Variants in KHDRBS3 observed in about 807,000 individuals in gnomAD.
The protein encoded by KHDRBS3 is KH RNA binding domain containing, signal transduction associated 3.
Under a neutral mutation model 45.6 loss-of-function variants are expected in KHDRBS3, and 23 were observed. The ratio of observed to expected loss-of-function variants is 0.50; its 90% CI spans 0.36 to 0.72. KHDRBS3 has a LOEUF of 0.72. Among genes scored for constraint, KHDRBS3 ranks in the 30% least tolerant of loss-of-function variants. KHDRBS3 has a pLI of 0.00. For missense variants in KHDRBS3, 352 were observed against 424.8 expected (o/e 0.83, Z 1.51); for synonymous variants, 162 against 156.5 (o/e 1.04, Z -0.26).
intron 2 of KHDRBS3, among the ~76,000 whole-genome samples, chr8:135,533,030 C>T (rs891248980): frequency 2.6e-5 from 4 of 152,104 alleles, no homozygotes; most frequent in Non-Finnish European, 5.9e-5. Context: ...GTACAGTTCT[C>T]GATTTACATT....
At chr8:135,590,885 C>G (rs7017297) in intron 6 of KHDRBS3, among the ~76,000 whole-genome samples, 15,064 of 152,168 alleles carry the variant, frequency 0.099, 1,364 homozygotes, top group African/African-American at 0.24. Flanking sequence ...CTTGATATCT[C>G]AATGTTGTGT....
intron 5 of KHDRBS3, among the ~76,000 whole-genome samples, chr8:135,573,374 A>G (rs1827798492): frequency 6.6e-6 from 1 of 152,230 alleles, no homozygotes; most frequent in African/African-American, 2.4e-5. Flanking sequence ...AACTGACATG[A>G]GTTGTACTTT....
intron 1 of KHDRBS3, among the ~76,000 whole-genome samples, chr8:135,466,085 G>T (rs532249535): frequency 6.6e-6 from 1 of 151,812 alleles, no homozygotes; most frequent in Non-Finnish European, 1.5e-5. Flanking sequence ...TCTTTCTTTC[G>T]CATTGGTAGC....
intron 1 of KHDRBS3, among the ~76,000 whole-genome samples, chr8:135,495,224 A>G (rs1823376670): frequency 6.6e-6 from 1 of 152,172 alleles, no homozygotes; most frequent in African/African-American, 2.4e-5. Flanking sequence ...AAGGTGAAGC[A>G]TTTCTTGGGT....
intron 1 of KHDRBS3, among the ~76,000 whole-genome samples, chr8:135,490,669 C>A (rs1823102627): frequency 6.6e-6 from 1 of 151,986 alleles, no homozygotes. Flanking sequence ...TTGTTTTAAC[C>A]AAAGTTGTGT....
chr8:135,521,174 C>A, intron 1 of KHDRBS3, 63 bp from the exon 2 acceptor site: 1 of 957,926 alleles, frequency 1.0e-6, no homozygotes, highest in South Asian at 1.4e-5. Context: ...CAGAGCTAAC[C>A]AGAACACCCA....
Position 135,601,641 on chromosome 8 carries a change from T to C in KHDRBS3, c.808-5314T>C, listed in dbSNP as rs142507807. Among the ~76,000 whole-genome samples the C allele has an allele frequency of 9.2e-5, 14 of 152,266 alleles. No homozygotes were observed. The East Asian group carries it at 2.5e-3, about 27-fold the overall frequency. On this transcript the variant is annotated intron_variant, in intron 6 of 8. Coordinates refer to ENST00000355849, the MANE Select transcript of KHDRBS3 (RefSeq NM_006558.3). ...TGAAAAATTACCCAAAAATTTCAAA[T>C]ATAAAGTAAACCTTTCAGCATATCT...
chr8:135,534,789 A>T (rs1288831562), intron 2 of KHDRBS3, among the ~76,000 whole-genome samples: 1 of 152,156 alleles, frequency 6.6e-6, no homozygotes, highest in African/African-American at 2.4e-5. Context: ...CAGAATTGAC[A>T]CAATGCCAGC....
At chr8:135,575,231 C>T (rs1008331103) in intron 5 of KHDRBS3, among the ~76,000 whole-genome samples, 6 of 152,162 alleles carry the variant, frequency 3.9e-5, no homozygotes, top group Admixed American at 6.5e-5. Flanking sequence ...GGTTCAACTG[C>T]GAATACCAAA....
chr8:135,560,226 C>T (rs1827103454), intron 5 of KHDRBS3, among the ~76,000 whole-genome samples: 1 of 151,732 alleles, frequency 6.6e-6, no homozygotes, highest in Non-Finnish European at 1.5e-5. Context: ...ATGTAGTATT[C>T]ATCATAAGAA....
chr8:135,533,633 T>C (rs564019195), intron 2 of KHDRBS3, among the ~76,000 whole-genome samples: 154 of 152,328 alleles, frequency 1.0e-3, no homozygotes, highest in African/African-American at 3.7e-3. Context: ...CACCATGGAA[T>C]GTACTGATGG....
chr8:135,604,322 G>A (rs1829355881), intron 6 of KHDRBS3, among the ~76,000 whole-genome samples: 1 of 151,468 alleles, frequency 6.6e-6, no homozygotes, highest in South Asian at 2.1e-4. Context: ...TTGAACTAAA[G>A]TGTGTCTCTT....
At chr8:135,512,489 A>T (rs1236773543) in intron 1 of KHDRBS3, among the ~76,000 whole-genome samples, 1 of 147,932 alleles carries the variant, frequency 6.8e-6, no homozygotes, top group East Asian at 2.0e-4. Flanking sequence ...GTCATTGTGC[A>T]GGCTGATTTG....
chr8:135,485,053 G>C (rs4314679), intron 1 of KHDRBS3, among the ~76,000 whole-genome samples: 1 of 151,950 alleles, frequency 6.6e-6, no homozygotes, highest in African/African-American at 2.4e-5. Flanking sequence ...TAAATGCTGT[G>C]TACAGAAAAA....
At chr8:135,544,921 C>T (rs150728270) in intron 3 of KHDRBS3, among the ~76,000 whole-genome samples, 127 of 152,034 alleles carry the variant, frequency 8.4e-4, no homozygotes, top group African/African-American at 2.8e-3. Context: ...GTCTCCTTAC[C>T]TTCTAATCCC....
chr8:135,535,085 T>C (rs1825667893), intron 2 of KHDRBS3, among the ~76,000 whole-genome samples: 1 of 152,074 alleles, frequency 6.6e-6, no homozygotes, highest in Admixed American at 6.6e-5. Flanking sequence ...TAGTTTGTTA[T>C]GTAGTAGTGG....
chr8:135,647,567 CAA>C lies in KHDRBS3; in HGVS notation c.*485_*486del, dbSNP rs1458797299. The C allele has an allele frequency of 2.0e-5, 3 of 152,636 alleles. No individual in the cohort carries two copies. The highest frequency in any genetic ancestry group is 7.2e-5 in the African/African-American group (3 of 41,530). 9.5% of individuals were successfully genotyped at this position (152,636 alleles called of 1,614,324 possible). A position where few individuals can be genotyped will look rare whatever the true frequency, so the allele number is the denominator to read the frequency against. On this transcript the variant is annotated 3_prime_UTR_variant, in exon 9 of 9. Transcript: ENST00000355849. Reference sequence around the variant, plus strand: ...TCTTGAAATGTTCTGTAGTGTTAAGCAAAGTCTCCTCTTGCTTGATACTAAAT... The same window carrying C: ...TCTTGAAATGTTCTGTAGTGTTAAGCAGTCTCCTCTTGCTTGATACTAAAT...
chr8:135,563,488 G>A (rs1827262832), intron 5 of KHDRBS3, among the ~76,000 whole-genome samples: 1 of 152,192 alleles, frequency 6.6e-6, no homozygotes, highest in South Asian at 2.1e-4. Flanking sequence ...CCCTGTCCTG[G>A]TGGAGTAGTA....
intron 3 of KHDRBS3, among the ~76,000 whole-genome samples, chr8:135,546,887 G>A (rs894502926): frequency 3.9e-5 from 6 of 152,250 alleles, no homozygotes; most frequent in Non-Finnish European, 8.8e-5. Flanking sequence ...CTGTGGGATT[G>A]TACCCTGGCT....
Sources: gnomAD v4.1 joint callset for allele counts (sites outside exome capture counted in the v4.1 genomes callset) on GRCh38, gnomAD v4.1.1 for gene constraint, MANE v1.5 for transcripts, NCBI Gene and HGNC (gene_info 2026-07-23, HGNC 2026-07-21) for gene names.